Variants in PDE4D observed in about 807,000 individuals in gnomAD.
The protein encoded by PDE4D is 3',5'-cyclic-AMP phosphodiesterase 4D.
A neutral mutation model predicts 87.4 loss-of-function variants in PDE4D; 24 were observed. The observed-to-expected ratio is 0.27, with a 90% CI of 0.20 to 0.39. PDE4D has a LOEUF of 0.39. Ranked by LOEUF, PDE4D falls within the 10% of genes least tolerant of loss-of-function variation. The pLI, the probability that PDE4D is intolerant of heterozygous loss-of-function variation, is 1.00. For synonymous variants in PDE4D, 384 were observed against 383.2 expected, an observed-to-expected ratio of 1.00 and a Z score of -0.02; for missense variants, 714 against 1,041.0, an observed-to-expected ratio of 0.69 and a Z score of 4.32.
chr5:60,005,827 G>GT (rs56682285), intron 2 of PDE4D, among the ~76,000 whole-genome samples: 131,006 of 151,570 alleles, frequency 0.86, 56,662 homozygotes, highest in East Asian at 0.97. Flanking sequence ...GTATGACCCA[G>GT]TTTTTTTAAA....
chr5:60,193,881 C>T lies in PDE4D; in HGVS notation c.-89-8194G>A, dbSNP rs928959009. On this transcript the variant is annotated intron_variant, in intron 1 of 16. Transcript: ENST00000502484. ...CAAAAATTATGCCTCAGCTTCCTTC[C>T]TCACCCAGCTTACTCTCCCTTACCT... Among the ~76,000 whole-genome samples, 40 of 151,362 alleles carry T rather than the reference C, an allele frequency of 2.6e-4. 1 individual carries two copies. The highest frequency in any genetic ancestry group is 8.0e-4 in the African/African-American group (33 of 41,444).
At chr5:59,631,969 G>T (rs1831635682) in intron 1 of PDE4D, among the ~76,000 whole-genome samples, 1 of 152,226 alleles carries the variant, frequency 6.6e-6, no homozygotes, top group Admixed American at 6.5e-5. Flanking sequence ...CACTGACAGA[G>T]CCCAGCAAGC....
intron 1 of PDE4D, chr5:59,276,122 G>GAAAAA (rs56153175): frequency 2.5e-4 from 213 of 854,420 alleles, no homozygotes; most frequent in Middle Eastern, 1.2e-3. Flanking sequence ...AGTGAGAAAG[G>GAAAAA]AAAAAAAAAA....
At chr5:59,598,180 G>A (rs1318707833) in intron 1 of PDE4D, among the ~76,000 whole-genome samples, 1 of 152,094 alleles carries the variant, frequency 6.6e-6, no homozygotes, top group Non-Finnish European at 1.5e-5. Context: ...TTTATCTGTT[G>A]TTTTTAGTTC....
intron 1 of PDE4D, among the ~76,000 whole-genome samples, chr5:59,552,156 T>C (rs1818227745): frequency 6.6e-6 from 1 of 152,290 alleles, no homozygotes; most frequent in South Asian, 2.1e-4. Flanking sequence ...GAGGTGAAGG[T>C]TGCAGTGAGC....
At chr5:59,389,729 A>T (rs1398301889) in intron 1 of PDE4D, among the ~76,000 whole-genome samples, 2 of 152,092 alleles carry the variant, frequency 1.3e-5, no homozygotes, top group Non-Finnish European at 2.9e-5. Context: ...AGGTCATTAC[A>T]ATAAGTGAAA....
intron 1 of PDE4D, among the ~76,000 whole-genome samples, chr5:60,411,266 G>A (rs1216988956): frequency 6.6e-6 from 1 of 152,186 alleles, no homozygotes; most frequent in Non-Finnish European, 1.5e-5. Flanking sequence ...AAATCTATGT[G>A]AAAATAGTTA....
intron 1 of PDE4D, among the ~76,000 whole-genome samples, chr5:59,692,784 T>G (rs1025186669): frequency 2.0e-5 from 3 of 152,150 alleles, no homozygotes; most frequent in African/African-American, 7.2e-5. Context: ...TTTGGAGGTA[T>G]TCTGAGTGCC....
intron 1 of PDE4D, among the ~76,000 whole-genome samples, chr5:60,375,050 C>T (rs915868389): frequency 3.6e-4 from 55 of 152,118 alleles, no homozygotes; most frequent in African/African-American, 1.3e-3. Flanking sequence ...GGCAACATGG[C>T]CAACCTTGCC....
chr5:60,271,136 TACTAGGTGCTGATGATACCATCAGC>T (rs1266839126), intron 1 of PDE4D, among the ~76,000 whole-genome samples: 2 of 152,166 alleles, frequency 1.3e-5, no homozygotes, highest in Non-Finnish European at 2.9e-5. Flanking sequence ...CAGGCACTGG[TACTAGGTGCTGATGATACCATCAGC>T]ACATTTTCAC....
chr5:59,381,367 T>TC (rs1785812204), intron 1 of PDE4D, among the ~76,000 whole-genome samples: 1 of 152,160 alleles, frequency 6.6e-6, no homozygotes, highest in Admixed American at 6.5e-5. Flanking sequence ...CTGAAGAACT[T>TC]CTTCCTCCTT....
chr5:59,122,001 G>T (rs1321336077), intron 5 of PDE4D, among the ~76,000 whole-genome samples: 1 of 151,896 alleles, frequency 6.6e-6, no homozygotes, highest in African/African-American at 2.4e-5. Context: ...AATTAGCCGG[G>T]CATGGTGGCA....
Position 59,954,547 on chromosome 5 carries a change from A to G in PDE4D, c.272+33941T>C, listed in dbSNP as rs564645640. Among the ~76,000 whole-genome samples the G allele has an allele frequency of 4.6e-5, 7 of 152,298 alleles. No homozygotes were observed. In the East Asian group the frequency reaches 1.4e-3, roughly 29 times the overall value. The stretch of plus-strand genomic sequence containing the variant: ...TAACAAGTCAGAAATGGCCGTTATT[A>G]TTAGAGATGGCAGGTCTAAAGATAC... On this transcript the variant is annotated intron_variant, in intron 3 of 16. Coordinates refer to the PDE4D transcript ENST00000502484.
At chr5:59,401,833 T>C (rs911499636) in intron 1 of PDE4D, among the ~76,000 whole-genome samples, 1 of 152,210 alleles carries the variant, frequency 6.6e-6, no homozygotes, top group East Asian at 1.9e-4. Context: ...TTTCTGTTTA[T>C]TTACTTTGTT....
At chr5:59,300,406 A>G (rs540288217) in intron 1 of PDE4D, among the ~76,000 whole-genome samples, 87 of 151,690 alleles carry the variant, frequency 5.7e-4, no homozygotes, top group Middle Eastern at 6.8e-3. Flanking sequence ...ATATCACTTA[A>G]TAATATGAAC....
intron 1 of PDE4D, among the ~76,000 whole-genome samples, chr5:59,464,507 G>A (rs1202827782): frequency 6.6e-6 from 1 of 152,172 alleles, no homozygotes; most frequent in Non-Finnish European, 1.5e-5. Flanking sequence ...GTGTTTGTCT[G>A]CTGACCCTCT....
chr5:59,506,746 C>T (rs1293006923), intron 1 of PDE4D, among the ~76,000 whole-genome samples: 1 of 152,070 alleles, frequency 6.6e-6, no homozygotes, highest in African/African-American at 2.4e-5. Flanking sequence ...TGAAATAACA[C>T]TACATATTAC....
intron 2 of PDE4D, among the ~76,000 whole-genome samples, chr5:60,110,959 C>G (rs1046547316): frequency 2.6e-5 from 4 of 151,890 alleles, no homozygotes; most frequent in Admixed American, 2.6e-4. Flanking sequence ...ATAAAAAATT[C>G]AGCTCATGGT....
At chr5:59,204,318 A>G (rs1748249123) in intron 2 of PDE4D, among the ~76,000 whole-genome samples, 1 of 152,208 alleles carries the variant, frequency 6.6e-6, no homozygotes, top group Admixed American at 6.5e-5. Flanking sequence ...CAACATAAGC[A>G]AAAAATAATC....
Sources: allele counts gnomAD v4.1 joint callset (sites outside exome capture counted in the v4.1 genomes callset), GRCh38; gene constraint gnomAD v4.1.1; transcripts MANE v1.5; gene names NCBI Gene and HGNC (gene_info 2026-07-23, HGNC 2026-07-21).